Variants in DOCK10 observed in about 807,000 individuals in gnomAD.
The protein encoded by DOCK10 is dedicator of cytokinesis protein 10.
A neutral mutation model predicts 280.1 loss-of-function variants in DOCK10; 145 were observed. The ratio of observed to expected loss-of-function variants is 0.52; its 90% CI spans 0.45 to 0.59. The LOEUF (loss-of-function observed/expected upper bound fraction) is 0.59, where lower values mean the gene tolerates loss of function less well. DOCK10 is among the 20% of genes least tolerant of loss of function. The probability of loss-of-function intolerance (pLI) is 0.00; values close to 1 mark genes in which losing one functional copy is unlikely to be tolerated. For missense variants in DOCK10, 2,368 were observed against 2,651.7 expected, an observed-to-expected ratio of 0.89 and a Z score of 2.35; for synonymous variants, 915 against 942.2, an observed-to-expected ratio of 0.97 and a Z score of 0.53.
At chr2:225,014,062 TC>T (rs1269267574) in intron 1 of DOCK10, among the ~76,000 whole-genome samples, 1 of 143,558 alleles carries the variant, frequency 7.0e-6, no homozygotes, top group Admixed American at 7.3e-5. Flanking sequence ...ATTCAAAAAA[TC>T]CCCAGAAGTC....
chr2:225,036,204 T>C (rs985657846), intron 1 of DOCK10, among the ~76,000 whole-genome samples: 17 of 152,316 alleles, frequency 1.1e-4, no homozygotes, highest in African/African-American at 3.4e-4. Context: ...AAGTCTGTTA[T>C]GGAATTTTTT....
At chr2:225,011,808 C>T (rs1283661149) in intron 1 of DOCK10, among the ~76,000 whole-genome samples, 5 of 152,138 alleles carry the variant, frequency 3.3e-5, no homozygotes, top group African/African-American at 1.2e-4. Context: ...TCTGCAAGAA[C>T]GGTCTAGCTG....
At chr2:224,952,685 C>T (rs1234385475) in intron 1 of DOCK10, among the ~76,000 whole-genome samples, 5 of 150,072 alleles carry the variant, frequency 3.3e-5, no homozygotes, top group African/African-American at 1.2e-4. Context: ...CTCCGCCTCC[C>T]GGGTTCACGC....
chr2:224,929,451 G>A (rs1702204814), intron 2 of DOCK10, among the ~76,000 whole-genome samples: 1 of 152,140 alleles, frequency 6.6e-6, no homozygotes, highest in South Asian at 2.1e-4. Flanking sequence ...GGGAATGAGG[G>A]TGACGGTGTA....
In DOCK10 at chr2:224,830,642, T is replaced by G. The variant is rs558009346; in HGVS notation, c.2965-30A>C. On this transcript the variant is annotated intron_variant, in intron 26 of 55. Transcript: ENST00000258390. ...TGGGAAAAAAAAGGCAACGAGACAT[T>G]TATTATCCTATGGCAAAATAATGAT... 1.5e-5 allele frequency: 21 copies of G among 1,377,032 alleles called. No homozygotes were observed. In the South Asian group the frequency reaches 3.0e-4, roughly 20 times the overall value. 85.3% of individuals were successfully genotyped at this position (1,377,032 alleles called of 1,614,324 possible).
At chr2:224,886,619 G>A (rs1699301512) in intron 4 of DOCK10, 88 bp from the exon 5 acceptor site, 2 of 981,078 alleles carry the variant, frequency 2.0e-6, no homozygotes, top group Non-Finnish European at 1.5e-6. Flanking sequence ...TAACAACTAT[G>A]GTGCTGGTGT....
chr2:224,890,718 G>A (rs367617558), intron 4 of DOCK10, among the ~76,000 whole-genome samples: 68 of 152,326 alleles, frequency 4.5e-4, no homozygotes, highest in African/African-American at 1.5e-3. Flanking sequence ...CCATGGTTAT[G>A]AAAATCAGAG....
At chr2:224,787,524 G>C in intron 48 of DOCK10, 127 bp from the exon 49 acceptor site, 1 of 1,182,958 alleles carries the variant, frequency 8.5e-7, no homozygotes, top group Non-Finnish European at 1.2e-6. Context: ...AACCCAGCAG[G>C]GGATCGTGGT....
intron 3 of DOCK10, among the ~76,000 whole-genome samples, chr2:224,913,708 T>TTGTC (rs1701157741): frequency 6.8e-6 from 1 of 147,822 alleles, no homozygotes; most frequent in African/African-American, 2.5e-5. Flanking sequence ...TTTATTTTGT[T>TTGTC]TGTTTGTCTG....
chr2:224,840,116 A>C, intron 23 of DOCK10, 44 bp from the exon 24 acceptor site: 1 of 938,020 alleles, frequency 1.1e-6, no homozygotes. Flanking sequence ...TTAAATTTGA[A>C]GCATGTCCTA....
chr2:224,969,466 G>A (rs1185996629), intron 1 of DOCK10, among the ~76,000 whole-genome samples: 1 of 152,134 alleles, frequency 6.6e-6, no homozygotes, highest in Non-Finnish European at 1.5e-5. Context: ...AGACGAATTT[G>A]TGATGAGACT....
At chr2:224,865,934 A>G (rs1000733019) in intron 11 of DOCK10, among the ~76,000 whole-genome samples, 2 of 151,808 alleles carry the variant, frequency 1.3e-5, no homozygotes, top group Non-Finnish European at 2.9e-5. Flanking sequence ...GTCACCTATT[A>G]TAACCAGTCT....
intron 29 of DOCK10, among the ~76,000 whole-genome samples, chr2:224,818,541 G>A (rs1694300872): frequency 6.6e-6 from 1 of 152,018 alleles, no homozygotes; most frequent in South Asian, 2.1e-4. Context: ...GGAGCTACAG[G>A]TGCCCGCAAC....
intron 1 of DOCK10, among the ~76,000 whole-genome samples, chr2:224,950,172 G>A (rs550633821): frequency 2.0e-5 from 3 of 152,316 alleles, no homozygotes; most frequent in African/African-American, 4.8e-5. Context: ...TTGACCCAGA[G>A]ATGGTTTGCA....
chr2:225,000,767 G>A (rs945347468), intron 1 of DOCK10, among the ~76,000 whole-genome samples: 14 of 152,196 alleles, frequency 9.2e-5, no homozygotes, highest in African/African-American at 3.4e-4. Flanking sequence ...ATCACTTGGA[G>A]TCAGGAGTTC....
chr2:224,799,325 C>A (rs555058286), intron 41 of DOCK10, among the ~76,000 whole-genome samples: 30 of 152,190 alleles, frequency 2.0e-4, no homozygotes, highest in Non-Finnish European at 4.0e-4. Context: ...CATGTTACAG[C>A]ATGTATCAGT....
chr2:224,886,055 C>T lies in DOCK10; in HGVS notation c.612+8G>A. ...CAGAGATAAAGATGAGTCTTGATAT[C>T]TCCTTACCCGAACAGTAACGGTGTT... On this transcript the variant is annotated splice_region_variant and intron_variant, in intron 6 of 55. Coordinates refer to ENST00000258390, the MANE Select transcript of DOCK10 (RefSeq NM_014689.3). The T allele has an allele frequency of 6.2e-7, 1 of 1,613,766 alleles. No individual in the cohort carries two copies. The highest frequency in any genetic ancestry group is 8.5e-7 in the Non-Finnish European group (1 of 1,179,826).
At chr2:224,961,416 T>TTCTTTC (rs1704396649) in intron 1 of DOCK10, among the ~76,000 whole-genome samples, 2 of 88,970 alleles carry the variant, frequency 2.2e-5, no homozygotes, top group Non-Finnish European at 4.9e-5. Context: ...TTCTTTCTCT[T>TTCTTTC]TCTTTCTTTC....
chr2:224,979,537 C>T (rs964711988), intron 1 of DOCK10, among the ~76,000 whole-genome samples: 3 of 152,274 alleles, frequency 2.0e-5, no homozygotes, highest in African/African-American at 7.2e-5. Context: ...CTACGACCCA[C>T]TCCTTGGCTC....
Sources: allele counts gnomAD v4.1 joint callset (sites outside exome capture counted in the v4.1 genomes callset), GRCh38; gene constraint gnomAD v4.1.1; transcripts MANE v1.5; gene names NCBI Gene and HGNC (gene_info 2026-07-23, HGNC 2026-07-21).